The following DISP1 variants were observed in gnomAD, a reference collection of about 807,000 sequenced individuals.
DISP1 encodes dispatched RND transporter family member 1, also known as protein dispatched homolog 1.
In DISP1, 30 loss-of-function variants were observed where a neutral mutation model predicts 37.3. The ratio of observed to expected loss-of-function variants is 0.80; its 90% confidence interval spans 0.60 to 1.09. DISP1 has a LOEUF of 1.09. Ranked by LOEUF, DISP1 falls within the 50% of genes least tolerant of loss-of-function variation. The pLI is 0.00. For synonymous variants in DISP1, 634 were observed against 690.2 expected (o/e 0.92, Z 1.28); for missense variants, 1,598 against 1,879.5 (o/e 0.85, Z 2.77).
At chr1:222,879,040 C>CT (rs1438113503) in intron 1 of DISP1, among the ~76,000 whole-genome samples, 2 of 152,120 alleles carry the variant, frequency 1.3e-5, no homozygotes, top group Non-Finnish European at 2.9e-5. Context: ...TTCGTTTCTT[C>CT]TTTGGAGCAG....
intron 1 of DISP1, among the ~76,000 whole-genome samples, chr1:222,845,327 GA>G (rs758628040): frequency 6.6e-6 from 1 of 152,078 alleles, no homozygotes; most frequent in Non-Finnish European, 1.5e-5. Flanking sequence ...AAAAGAAGTG[GA>G]AGACAATTAT....
rs374481235 is a variant in DISP1 at position 223,002,729 on chromosome 1, T to G, written c.1332T>G (p.Tyr444Ter). 1 of 1,614,152 alleles carries G rather than the reference T, an allele frequency of 6.2e-7. No individual in the cohort carries two copies. The highest frequency in any genetic ancestry group is 1.7e-5 in the Admixed American group (1 of 60,024). ...KDFMTPKTAD[Y>*]ATPALKYSML... ...TTATGACCCCAAAGACGGCTGACTA[T>G]GCCACGCCAGCTTTAAAATACAGCA... The change falls in exon 9 of 9, where the codon TAT becomes TAG. Residue 444 changes from tyrosine to a stop codon, truncating the protein, a stop_gained. Coordinates refer to ENST00000675850, the MANE Select transcript of DISP1 (RefSeq NM_001377229.1). LOFTEE classifies it low-confidence loss of function (END_TRUNC).
intron 7 of DISP1, 60 bp downstream of exon 7, chr1:222,992,170 A>G (rs1678749567): frequency 5.4e-6 from 7 of 1,300,446 alleles, no homozygotes; most frequent in Admixed American, 1.7e-5. Flanking sequence ...AAAATTGAAC[A>G]TGATCACAGT....
At chr1:222,984,801 AC>A (rs1247604537) in intron 4 of DISP1, among the ~76,000 whole-genome samples, 1 of 151,332 alleles carries the variant, frequency 6.6e-6, no homozygotes, top group Non-Finnish European at 1.5e-5. Flanking sequence ...ATTTTCTCCT[AC>A]CCCCAGGCCC....
intron 1 of DISP1, among the ~76,000 whole-genome samples, chr1:222,848,088 A>G (rs762114311): frequency 1.8e-4 from 28 of 152,120 alleles, no homozygotes; most frequent in Non-Finnish European, 2.9e-4. Flanking sequence ...TGAATGGATA[A>G]CTAGTTATTT....
chr1:222,881,443 G>A (rs1401304183), intron 1 of DISP1, among the ~76,000 whole-genome samples: 2 of 152,150 alleles, frequency 1.3e-5, no homozygotes, highest in East Asian at 1.9e-4. Context: ...TGATCCACCC[G>A]CTTCGGCCTC....
intron 1 of DISP1, chr1:222,872,181 G>C (rs1572391398): frequency 6.6e-6 from 1 of 152,140 alleles, no homozygotes; most frequent in African/African-American, 2.4e-5. Flanking sequence ...TGCTGAATTC[G>C]GTTTGCCAGT....
rs191094446 is a variant in DISP1 at position 222,896,455 on chromosome 1, G to A, written c.-158-31975G>A. Among the ~76,000 whole-genome samples the A allele has an allele frequency of 2.9e-3, 448 of 152,138 alleles. 3 individuals carry two copies. Among genetic ancestry groups the A allele is most frequent in the African/African-American group, 0.01 (435 of 41,510 alleles). ...GTCTGTACTAAAAATACAAAAATTAGCTGGGTGTGCTGGTGGGCGCCTGTA... is the reference window on the plus strand; with the variant it reads ...GTCTGTACTAAAAATACAAAAATTAACTGGGTGTGCTGGTGGGCGCCTGTA... On this transcript the variant is annotated intron_variant, in intron 1 of 8. Transcript: ENST00000675850.
At chr1:222,982,938 C>T (rs1379251871) in intron 3 of DISP1, 142 bp from the exon 4 acceptor site, 4 of 591,656 alleles carry the variant, frequency 6.8e-6, no homozygotes, top group Admixed American at 3.2e-5. Flanking sequence ...AATAGATTGC[C>T]TTTTTTTTTT....
rs766843212 is a variant in DISP1 at position 222,996,940 on chromosome 1, T to G, written c.987+1958T>G. On this transcript the variant is annotated intron_variant, in intron 8 of 8. Coordinates refer to ENST00000675850, the MANE Select transcript of DISP1 (RefSeq NM_001377229.1). ...AGCAATTTATTCCATGAGTACATGT[T>G]AGACTCTGAGACTCAAAAGCCAGTA... Among the ~76,000 whole-genome samples the G allele has an allele frequency of 7.9e-5, 12 of 152,158 alleles. 1 individual carries two copies. The highest frequency in any genetic ancestry group is 7.4e-5 in the Non-Finnish European group (5 of 68,020).
At chr1:223,000,109 TC>T (rs1268382592) in intron 8 of DISP1, among the ~76,000 whole-genome samples, 1 of 152,234 alleles carries the variant, frequency 6.6e-6, no homozygotes, top group African/African-American at 2.4e-5. Flanking sequence ...CAACTCCATG[TC>T]CTTTATCTTT....
At chr1:222,830,820 A>G (rs1423633425) in intron 1 of DISP1, among the ~76,000 whole-genome samples, 3 of 152,168 alleles carry the variant, frequency 2.0e-5, no homozygotes, top group Non-Finnish European at 2.9e-5. Flanking sequence ...TATAAAATCA[A>G]TTTTTGTGTA....
chr1:222,957,067 A>G (rs1675651973), intron 3 of DISP1, among the ~76,000 whole-genome samples: 1 of 151,202 alleles, frequency 6.6e-6, no homozygotes, highest in African/African-American at 2.4e-5. Flanking sequence ...AGCTTTTTCA[A>G]TCATTTAAAA....
intron 3 of DISP1, among the ~76,000 whole-genome samples, chr1:222,957,760 G>T (rs557177509): frequency 6.6e-6 from 1 of 152,156 alleles, no homozygotes; most frequent in African/African-American, 2.4e-5. Flanking sequence ...CCCTATTCCT[G>T]CCCAGTCTTA....
intron 2 of DISP1, among the ~76,000 whole-genome samples, chr1:222,931,143 C>G (rs1281950374): frequency 6.6e-6 from 1 of 151,994 alleles, no homozygotes; most frequent in African/African-American, 2.4e-5. Flanking sequence ...ACACTACCAT[C>G]TAAATCAAAC....
At chr1:222,983,248 G>A (rs1677970262) in intron 4 of DISP1, 139 bp downstream of exon 4, 1 of 748,384 alleles carries the variant, frequency 1.3e-6, no homozygotes. Flanking sequence ...TGTCCCATGA[G>A]TTGGCTGCTT....
chr1:222,951,417 A>G (rs1675210794), intron 3 of DISP1, among the ~76,000 whole-genome samples: 1 of 61,042 alleles, frequency 1.6e-5, no homozygotes, highest in Non-Finnish European at 3.1e-5. Context: ...TAAAAAGACA[A>G]GAATTCTACC....
intron 1 of DISP1, among the ~76,000 whole-genome samples, chr1:222,870,232 T>C (rs1380434215): frequency 6.6e-6 from 1 of 152,200 alleles, no homozygotes; most frequent in Non-Finnish European, 1.5e-5. Context: ...CTATTGTGAA[T>C]AGTGCCGCAA....
In DISP1 at chr1:222,962,019, AAAG is replaced by A. The variant is rs201847371; in HGVS notation, c.509+18696_509+18698del. On this transcript the variant is annotated intron_variant, in intron 3 of 8. Transcript: ENST00000675850. ...GACTCTGTCTCAAAAAAAGAAAAAA[AAAG>A]AAGAAGAAAGCCCCATCGTCTCAGT... Among the ~76,000 whole-genome samples, 1,461 of 151,912 alleles carry A rather than the reference AAAG, an allele frequency of 9.6e-3. 20 individuals carry two copies. Among genetic ancestry groups the A allele is most frequent in the South Asian group, 0.041 (198 of 4,812 alleles).
Sources: allele counts gnomAD v4.1 joint callset (sites outside exome capture counted in the v4.1 genomes callset), GRCh38; gene constraint gnomAD v4.1.1; transcripts MANE v1.5; gene names NCBI Gene and HGNC (gene_info 2026-07-23, HGNC 2026-07-21).